ITPR1: variants seen among roughly 807,000 people sequenced by gnomAD.
ITPR1 encodes the protein inositol 1,4,5-trisphosphate receptor type 1.
A neutral mutation model predicts 318.4 loss-of-function variants in ITPR1; 96 were observed. The observed-to-expected ratio is 0.30, with a 90% CI of 0.26 to 0.36. The LOEUF (loss-of-function observed/expected upper bound fraction) is 0.36, where lower values mean the gene tolerates loss of function less well. Ranked by LOEUF, ITPR1 falls within the 10% of genes least tolerant of loss-of-function variation. The pLI is 1.00. For missense variants in ITPR1, 2,440 were observed against 3,460.2 expected, an observed-to-expected ratio of 0.71 and a Z score of 7.40; for synonymous variants, 1,312 against 1,289.9, an observed-to-expected ratio of 1.02 and a Z score of -0.37.
At chr3:4,782,829 C>G in intron 50 of ITPR1, 88 bp downstream of exon 50, 3 of 1,251,790 alleles carry the variant, frequency 2.4e-6, no homozygotes, top group Non-Finnish European at 3.2e-6. Context: ...CTTGCTTTTC[C>G]TTTATGACTT....
At position 4,670,764 on chromosome 3, in the gene ITPR1, C is replaced by G. The variant is rs1330111073; in HGVS notation, c.2042C>G (p.Ser681Cys). 1 of 1,603,218 alleles carries G rather than the reference C, an allele frequency of 6.2e-7. No homozygotes were observed. The highest frequency in any genetic ancestry group is 1.3e-5 in the African/African-American group (1 of 74,754). Residue 681 changes from serine (S) to cysteine (C), a missense_variant, in exon 20 of 62, where the codon TCT (serine) becomes TGT (cysteine). By Grantham distance (112) the Ser-to-Cys change is moderately radical (BLOSUM62 -1). This residue lies in a region of ITPR1 where 478 missense variants were observed against 696.3 expected (regional missense o/e 0.69). Coordinates refer to ENST00000649015, the MANE Select transcript of ITPR1 (RefSeq NM_001378452.1). ...TCTCGTTTTGAATTTGAAGGTGTCT[C>G]TTCCACTGGAGAGAATGCTCTGGAG... is the stretch of plus-strand genomic sequence containing the variant. ...VLSRFEFEGV[S>C]STGENALEAG...
At chr3:4,762,295 C>T (rs1340423738) in intron 44 of ITPR1, among the ~76,000 whole-genome samples, 2 of 152,216 alleles carry the variant, frequency 1.3e-5, no homozygotes, top group African/African-American at 4.8e-5. Flanking sequence ...AGCTTGAAAG[C>T]AGTCAGTGAG....
At chr3:4,723,192 C>T (rs2042284892) in intron 40 of ITPR1, among the ~76,000 whole-genome samples, 1 of 152,126 alleles carries the variant, frequency 6.6e-6, no homozygotes, top group Non-Finnish European at 1.5e-5. Flanking sequence ...CTTTGTCCTC[C>T]TTGAGTAGGT....
chr3:4,736,538 T>G (rs1351067128), intron 44 of ITPR1, among the ~76,000 whole-genome samples: 3 of 152,190 alleles, frequency 2.0e-5, no homozygotes, highest in African/African-American at 7.2e-5. Context: ...AACGTACACT[T>G]TTGAAGTTCA....
chr3:4,714,073 C>T (rs1388944884), intron 39 of ITPR1, among the ~76,000 whole-genome samples: 1 of 152,170 alleles, frequency 6.6e-6, no homozygotes, highest in Non-Finnish European at 1.5e-5. Flanking sequence ...GTCTCCTGAC[C>T]TGGTAGCTGG....
chr3:4,621,823 G>A lies in ITPR1; in HGVS notation c.164-5940G>A, dbSNP rs553109638. On this transcript the variant is annotated intron_variant, in intron 4 of 61. Transcript: ENST00000649015. ...TCCCTCTGCCTGAGGGGCTTGGCCCGAGTTTTATGAAGGCTGGCTCCTCCT... is the reference window on the plus strand; with the variant it reads ...TCCCTCTGCCTGAGGGGCTTGGCCCAAGTTTTATGAAGGCTGGCTCCTCCT... Among the ~76,000 whole-genome samples the A allele has an allele frequency of 3.9e-5, 6 of 152,308 alleles. No individual in the cohort carries two copies. The South Asian group carries it at 6.2e-4, about 16-fold the overall frequency.
intron 59 of ITPR1, among the ~76,000 whole-genome samples, chr3:4,816,650 A>G (rs2106498122): frequency 6.6e-6 from 1 of 152,272 alleles, no homozygotes; most frequent in East Asian, 1.9e-4. Context: ...TAGCTTCCCA[A>G]AGTGTTAGGA....
intron 12 of ITPR1, among the ~76,000 whole-genome samples, chr3:4,655,572 G>A (rs1327475589): frequency 6.6e-6 from 1 of 152,182 alleles, no homozygotes; most frequent in Non-Finnish European, 1.5e-5. Flanking sequence ...CAGGTTGTCT[G>A]GGCTGCACAG....
chr3:4,500,866 G>C (rs2080968423), intron 2 of ITPR1, among the ~76,000 whole-genome samples: 1 of 151,998 alleles, frequency 6.6e-6, no homozygotes, highest in South Asian at 2.1e-4. Context: ...TTTATTTTTA[G>C]TTTTTGAAAC....
At chr3:4,801,644 A>T in intron 54 of ITPR1, among the ~76,000 whole-genome samples, 1 of 152,122 alleles carries the variant, frequency 6.6e-6, no homozygotes, top group East Asian at 1.9e-4. Context: ...TGCGCCTATA[A>T]TCCTAGCTAC....
intron 4 of ITPR1, among the ~76,000 whole-genome samples, chr3:4,560,611 G>A (rs913647819): frequency 8.5e-5 from 13 of 152,194 alleles, no homozygotes; most frequent in African/African-American, 3.1e-4. Flanking sequence ...TGGAAGAAGA[G>A]AGAACTGGAT....
intron 44 of ITPR1, among the ~76,000 whole-genome samples, chr3:4,737,937 A>G (rs2043396103): frequency 6.6e-6 from 1 of 152,224 alleles, no homozygotes. Context: ...GGAGACCATT[A>G]TCCTTAGCAA....
intron 3 of ITPR1, 67 bp downstream of exon 3, chr3:4,516,650 T>C (rs1407492865): frequency 9.3e-6 from 9 of 972,854 alleles, no homozygotes; most frequent in African/African-American, 8.4e-5. Flanking sequence ...CTTAAAACTG[T>C]GATTTTTCTA....
At chr3:4,831,487 C>G (rs2050507803) in intron 60 of ITPR1, 1 of 160,266 alleles carries the variant, frequency 6.2e-6, no homozygotes, top group South Asian at 1.7e-4. Context: ...CAGACTGAAG[C>G]CAGAGTCAGA....
chr3:4,500,914 C>T (rs2080971837), intron 2 of ITPR1, among the ~76,000 whole-genome samples: 1 of 152,134 alleles, frequency 6.6e-6, no homozygotes, highest in Admixed American at 6.5e-5. Context: ...AGTACAGTGA[C>T]ATGATGTTGG....
At chr3:4,683,322 C>T (rs968008564) in intron 26 of ITPR1, 64 bp from the exon 27 acceptor site, 1 of 1,567,384 alleles carries the variant, frequency 6.4e-7, no homozygotes, top group Non-Finnish European at 8.8e-7. Context: ...GCATCTGGGC[C>T]CAAGGGGCGT....
At chr3:4,545,134 A>G (rs1405061813) in intron 4 of ITPR1, among the ~76,000 whole-genome samples, 1 of 152,172 alleles carries the variant, frequency 6.6e-6, no homozygotes, top group African/African-American at 2.4e-5. Context: ...TGGTAGAATC[A>G]AGAACAATTT....
At chr3:4,546,335 C>G (rs2084995226) in intron 4 of ITPR1, among the ~76,000 whole-genome samples, 1 of 152,144 alleles carries the variant, frequency 6.6e-6, no homozygotes, top group Admixed American at 6.5e-5. Context: ...GCTTCTATGT[C>G]ATTTTTTCCT....
At chr3:4,737,187 G>T (rs1450930344) in intron 44 of ITPR1, among the ~76,000 whole-genome samples, 4 of 152,126 alleles carry the variant, frequency 2.6e-5, no homozygotes, top group African/African-American at 7.2e-5. Flanking sequence ...AGCTTTACCA[G>T]TTTGAGAAAT....
Sources: gnomAD v4.1 joint callset for allele counts (sites outside exome capture counted in the v4.1 genomes callset) on GRCh38, gnomAD v4.1.1 for gene constraint, gnomAD v4.1.1 regional missense constraint, MANE v1.5 for transcripts, NCBI Gene and HGNC (gene_info 2026-07-23, HGNC 2026-07-21) for gene names.